RYR2: variants seen among roughly 807,000 people sequenced by gnomAD.
RYR2 encodes cardiac muscle ryanodine receptor-calcium release channel.
In RYR2, 227 loss-of-function variants were observed where a neutral mutation model predicts 601.1. The observed-to-expected ratio is 0.38, with a 90% CI of 0.34 to 0.42. The LOEUF (loss-of-function observed/expected upper bound fraction) is 0.42, where lower values mean the gene tolerates loss of function less well. Ranked by LOEUF, RYR2 falls within the 10% of genes least tolerant of loss-of-function variation. The pLI, the probability that RYR2 is intolerant of heterozygous loss-of-function variation, is 1.00. For missense variants in RYR2, 4,646 were observed against 6,156.5 expected (o/e 0.75, Z 8.21); for synonymous variants, 2,223 against 2,175.1 (o/e 1.02, Z -0.61).
intron 1 of RYR2, among the ~76,000 whole-genome samples, chr1:237,073,939 T>C (rs1032010647): frequency 4.6e-5 from 7 of 151,780 alleles, no homozygotes; most frequent in African/African-American, 7.3e-5. Context: ...TATTAGATTA[T>C]ACAAAATATA....
chr1:237,229,452 T>C (rs1007113358), intron 1 of RYR2, among the ~76,000 whole-genome samples: 3 of 152,208 alleles, frequency 2.0e-5, no homozygotes, highest in African/African-American at 7.2e-5. Flanking sequence ...CAGCACAGCT[T>C]CTGGTGACCC....
Position 237,730,267 on chromosome 1 carries a change from G to A in RYR2, c.10846G>A (p.Ala3616Thr). 1.3e-6 allele frequency: 2 copies of A among 1,598,508 alleles called. No homozygotes were observed. The highest frequency in any genetic ancestry group is 1.1e-5 in the South Asian group (1 of 90,730). ...APLYNLPRHR[A>T]VNLFLQGYEK... ...ATTGTGCTTACCTTTCAGGCATCGG[G>A]CTGTCAATCTCTTTCTTCAGGGATA... The change falls in exon 77 of 105, where the codon GCT becomes ACT. Residue 3616 changes from alanine (A) to threonine (T), a missense_variant. By Grantham distance (58) the Ala-to-Thr change is moderately conservative. Around this residue, in one of 17 missense-constraint regions of RYR2, gnomAD observed 1,497 missense variants for 1,842.6 expected, o/e 0.81. Coordinates refer to ENST00000366574, the MANE Select transcript of RYR2 (RefSeq NM_001035.3).
intron 63 of RYR2, among the ~76,000 whole-genome samples, chr1:237,690,398 T>G (rs1012458310): frequency 1.3e-5 from 2 of 152,188 alleles, no homozygotes; most frequent in Non-Finnish European, 2.9e-5. Context: ...AGATCAATTT[T>G]TTGTGAAATA....
intron 2 of RYR2, among the ~76,000 whole-genome samples, chr1:237,276,711 C>A (rs866968742): frequency 6.6e-6 from 1 of 152,088 alleles, no homozygotes. Flanking sequence ...TAACTACATA[C>A]AAGTGAACTT....
intron 1 of RYR2, among the ~76,000 whole-genome samples, chr1:237,140,683 G>A (rs1332924582): frequency 6.6e-6 from 1 of 152,152 alleles, no homozygotes; most frequent in Non-Finnish European, 1.5e-5. Context: ...ATAATTTTAG[G>A]AATTTGGAAT....
At chr1:237,685,711 T>G (rs192080829) in intron 62 of RYR2, among the ~76,000 whole-genome samples, 9 of 152,330 alleles carry the variant, frequency 5.9e-5, no homozygotes, top group Admixed American at 3.9e-4. Context: ...GCTCAGTAGA[T>G]AAGGGCACGT....
At chr1:237,446,784 A>G (rs1027294696) in intron 14 of RYR2, among the ~76,000 whole-genome samples, 4 of 152,150 alleles carry the variant, frequency 2.6e-5, no homozygotes, top group African/African-American at 9.7e-5. Flanking sequence ...CTTAAATCGA[A>G]TGGGGTATGC....
chr1:237,688,249 C>A (rs1054955180), intron 63 of RYR2, among the ~76,000 whole-genome samples: 4 of 152,126 alleles, frequency 2.6e-5, no homozygotes, highest in African/African-American at 9.7e-5. Flanking sequence ...CCTTTGCTCT[C>A]TAGGTTTTGA....
At chr1:237,390,184 A>G (rs1702262812) in intron 10 of RYR2, among the ~76,000 whole-genome samples, 1 of 152,210 alleles carries the variant, frequency 6.6e-6, no homozygotes, top group Non-Finnish European at 1.5e-5. Context: ...ACCATGCCAG[A>G]GTCTTTGGAT....
At chr1:237,187,110 C>T (rs1169248004) in intron 1 of RYR2, among the ~76,000 whole-genome samples, 4 of 152,062 alleles carry the variant, frequency 2.6e-5, no homozygotes, top group African/African-American at 9.7e-5. Flanking sequence ...CAGTTGGCAC[C>T]CCTACCTTCC....
At chr1:237,733,327 C>A (rs4465197) in intron 78 of RYR2, among the ~76,000 whole-genome samples, 80,157 of 152,034 alleles carry the variant, frequency 0.53, 23,749 homozygotes, top group African/African-American at 0.81. Context: ...AATTTGGGGA[C>A]TCTTTCCATC....
At chr1:237,628,164 G>A in intron 41 of RYR2, 84 bp downstream of exon 41, 1 of 1,402,580 alleles carries the variant, frequency 7.1e-7, no homozygotes. Flanking sequence ...TAACTACATT[G>A]ATAAAAATAT....
intron 1 of RYR2, among the ~76,000 whole-genome samples, chr1:237,252,515 G>T (rs771434977): frequency 2.3e-4 from 35 of 152,184 alleles, no homozygotes; most frequent in Non-Finnish European, 4.7e-4. Flanking sequence ...TCATTTACTT[G>T]TTTATCAATC....
At chr1:237,777,709 C>A (rs1283927107) in intron 87 of RYR2, among the ~76,000 whole-genome samples, 1 of 152,108 alleles carries the variant, frequency 6.6e-6, no homozygotes, top group Non-Finnish European at 1.5e-5. Flanking sequence ...GAAGTGTCAG[C>A]TAAGAGAACA....
intron 1 of RYR2, among the ~76,000 whole-genome samples, chr1:237,151,569 C>G (rs1169603348): frequency 2.0e-5 from 3 of 152,202 alleles, no homozygotes; most frequent in East Asian, 3.9e-4. Flanking sequence ...TACTTGGAAT[C>G]TATCTGTATT....
intron 1 of RYR2, among the ~76,000 whole-genome samples, chr1:237,153,216 C>T (rs576217007): frequency 4.6e-5 from 7 of 152,060 alleles, no homozygotes; most frequent in South Asian, 2.1e-4. Flanking sequence ...AGAGACAAAG[C>T]GGTGAAGATT....
At chr1:237,144,423 G>C (rs1673752381) in intron 1 of RYR2, among the ~76,000 whole-genome samples, 1 of 152,320 alleles carries the variant, frequency 6.6e-6, no homozygotes, top group South Asian at 2.1e-4. Flanking sequence ...GCCGAAGTTA[G>C]ACTGCCGTCT....
At chr1:237,728,546 A>G (rs764331798) in intron 76 of RYR2, among the ~76,000 whole-genome samples, 3 of 152,160 alleles carry the variant, frequency 2.0e-5, no homozygotes, top group South Asian at 2.1e-4. Context: ...ATGCCCATCA[A>G]TGATAGACTG....
At chr1:237,275,287 ATTAAAATAAGAAC>A (rs1333530770) in intron 2 of RYR2, among the ~76,000 whole-genome samples, 6 of 152,216 alleles carry the variant, frequency 3.9e-5, no homozygotes, top group African/African-American at 1.2e-4. Flanking sequence ...TGACTTACCT[ATTAAAATAAGAAC>A]TTAAAATTAT....
Sources: allele counts gnomAD v4.1 joint callset (sites outside exome capture counted in the v4.1 genomes callset), GRCh38; gene constraint gnomAD v4.1.1; regional missense constraint gnomAD v4.1.1; transcripts MANE v1.5; gene names NCBI Gene and HGNC (gene_info 2026-07-23, HGNC 2026-07-21).